The following CTNNA2 variants were observed in gnomAD, a reference collection of about 807,000 sequenced individuals.
CTNNA2 encodes catenin alpha 2, also known as catenin alpha-2.
In CTNNA2, 42 loss-of-function variants were observed where a neutral mutation model predicts 101.0. The observed-to-expected ratio is 0.42, with a 90% CI of 0.32 to 0.54. The LOEUF (loss-of-function observed/expected upper bound fraction) is 0.54, where lower values mean the gene tolerates loss of function less well. Ranked by LOEUF, CTNNA2 falls within the 20% of genes least tolerant of loss-of-function variation. The probability of loss-of-function intolerance (pLI) is 0.14; values close to 1 mark genes in which losing one functional copy is unlikely to be tolerated. For synonymous variants in CTNNA2, 450 were observed against 456.4 expected, an observed-to-expected ratio of 0.99 and a Z score of 0.18; for missense variants, 871 against 1,223.1, an observed-to-expected ratio of 0.71 and a Z score of 4.29.
At chr2:80,060,858 C>T (rs1697553838) in intron 7 of CTNNA2, among the ~76,000 whole-genome samples, 1 of 152,180 alleles carries the variant, frequency 6.6e-6, no homozygotes, top group Admixed American at 6.5e-5. Context: ...GCCCTCTGCT[C>T]TTAGAGCCTT....
chr2:79,777,966 A>G (rs1180031601), intron 3 of CTNNA2, among the ~76,000 whole-genome samples: 1 of 151,918 alleles, frequency 6.6e-6, no homozygotes, highest in Non-Finnish European at 1.5e-5. Flanking sequence ...AATTCACATA[A>G]AACAAATGGC....
intron 3 of CTNNA2, among the ~76,000 whole-genome samples, chr2:79,838,181 C>G (rs1679536979): frequency 6.6e-6 from 1 of 151,998 alleles, no homozygotes; most frequent in South Asian, 2.1e-4. Context: ...TCATTGAGCT[C>G]AGTTTAGTCT....
At chr2:80,022,253 A>G (rs563948696) in intron 7 of CTNNA2, among the ~76,000 whole-genome samples, 20 of 152,296 alleles carry the variant, frequency 1.3e-4, no homozygotes, top group Middle Eastern at 3.4e-3. Flanking sequence ...AATGGCTGAC[A>G]TGGAGGTGGG....
intron 4 of CTNNA2, among the ~76,000 whole-genome samples, chr2:79,432,863 C>A (rs1200335954): frequency 6.6e-6 from 1 of 152,154 alleles, no homozygotes; most frequent in Non-Finnish European, 1.5e-5. Context: ...CTCTTTTGAC[C>A]AATTTAATCT....
At chr2:80,454,346 C>T (rs1391160188) in intron 9 of CTNNA2, among the ~76,000 whole-genome samples, 1 of 152,116 alleles carries the variant, frequency 6.6e-6, no homozygotes. Context: ...GGAAGCAGTA[C>T]GATGCAGAGT....
chr2:80,570,636 G>A (rs1346681568), intron 12 of CTNNA2, among the ~76,000 whole-genome samples: 1 of 152,056 alleles, frequency 6.6e-6, no homozygotes, highest in African/African-American at 2.4e-5. Context: ...TAATAAGATG[G>A]TTTAAATATT....
chr2:80,126,284 T>C (rs1439913923), intron 7 of CTNNA2, among the ~76,000 whole-genome samples: 1 of 152,170 alleles, frequency 6.6e-6, no homozygotes, highest in Non-Finnish European at 1.5e-5. Context: ...TGGATGGTTA[T>C]AGACATAGAG....
At chr2:79,422,304 G>C (rs543264380) in intron 4 of CTNNA2, among the ~76,000 whole-genome samples, 1 of 151,964 alleles carries the variant, frequency 6.6e-6, no homozygotes, top group African/African-American at 2.4e-5. Context: ...TCTAAACCAG[G>C]GGGAGTTTTG....
At chr2:80,481,488 A>G (rs1473748379) in intron 9 of CTNNA2, among the ~76,000 whole-genome samples, 1 of 152,116 alleles carries the variant, frequency 6.6e-6, no homozygotes, top group Non-Finnish European at 1.5e-5. Flanking sequence ...ATTAGTATGA[A>G]TAATGTTTGT....
At chr2:80,315,352 A>G (rs1678011764) in intron 7 of CTNNA2, among the ~76,000 whole-genome samples, 1 of 152,222 alleles carries the variant, frequency 6.6e-6, no homozygotes, top group Non-Finnish European at 1.5e-5. Flanking sequence ...GGCTGAGTAT[A>G]ACTTCTGTGG....
chr2:80,360,317 A>G (rs1187447378), intron 7 of CTNNA2, among the ~76,000 whole-genome samples: 1 of 152,132 alleles, frequency 6.6e-6, no homozygotes, highest in East Asian at 1.9e-4. Flanking sequence ...CACACCGTAT[A>G]TTTTTTGAAA....
intron 7 of CTNNA2, 114 bp from the exon 8 acceptor site, chr2:80,393,097 C>A (rs1247461094): frequency 4.1e-6 from 3 of 738,174 alleles, no homozygotes; most frequent in Admixed American, 6.0e-5. Flanking sequence ...TGAAAATAAT[C>A]TTTTTAAAAA....
chr2:80,198,890 G>A (rs1707013536), intron 7 of CTNNA2, among the ~76,000 whole-genome samples: 1 of 151,864 alleles, frequency 6.6e-6, no homozygotes, highest in Non-Finnish European at 1.5e-5. Flanking sequence ...CTTTAGAATT[G>A]CAGTGCATAG....
At chr2:79,423,215 A>G (rs184956740) in intron 4 of CTNNA2, among the ~76,000 whole-genome samples, 187 of 152,248 alleles carry the variant, frequency 1.2e-3, no homozygotes, top group Middle Eastern at 6.8e-3. Flanking sequence ...CATGCTATAA[A>G]AGTCACATGT....
At chr2:79,291,135 T>C (rs930059399) in intron 2 of CTNNA2, among the ~76,000 whole-genome samples, 8 of 152,200 alleles carry the variant, frequency 5.3e-5, no homozygotes, top group African/African-American at 1.2e-4. Context: ...ATAAGGGAAC[T>C]TTTCTCCTTT....
At chr2:80,546,861 C>CT (rs1573218358) in intron 11 of CTNNA2, among the ~76,000 whole-genome samples, 1 of 152,182 alleles carries the variant, frequency 6.6e-6, no homozygotes, top group East Asian at 1.9e-4. Flanking sequence ...CATCAGCCTT[C>CT]TTTGTGAGGT....
intron 18 of CTNNA2, among the ~76,000 whole-genome samples, chr2:80,632,407 C>T (rs1225754263): frequency 6.6e-6 from 1 of 152,106 alleles, no homozygotes; most frequent in African/African-American, 2.4e-5. Context: ...GAGCTGACAG[C>T]TCCTATTGTA....
At chr2:80,539,232 G>A (rs1249744385) in intron 9 of CTNNA2, among the ~76,000 whole-genome samples, 7 of 151,738 alleles carry the variant, frequency 4.6e-5, no homozygotes, top group African/African-American at 7.3e-5. Flanking sequence ...AGAGTTACAG[G>A]ATAGATGCCA....
intron 18 of CTNNA2, among the ~76,000 whole-genome samples, chr2:80,639,553 C>T (rs1238878318): frequency 9.1e-6 from 1 of 109,912 alleles, no homozygotes; most frequent in South Asian, 2.5e-4. Context: ...GTGTTTTTAA[C>T]AATAAATACA....
Sources: allele counts gnomAD v4.1 joint callset (sites outside exome capture counted in the v4.1 genomes callset), GRCh38; gene constraint gnomAD v4.1.1; transcripts MANE v1.5; gene names NCBI Gene and HGNC (gene_info 2026-07-23, HGNC 2026-07-21).